The following CTTNBP2 variants were observed in gnomAD, a reference collection of about 807,000 sequenced individuals.
CTTNBP2 encodes cortactin binding protein 2, also known as cortactin-binding protein 2.
In CTTNBP2, 108 loss-of-function variants were observed where a neutral mutation model predicts 156.9. That is an observed-to-expected ratio of 0.69 (90% CI 0.59 to 0.81). The LOEUF is 0.81. Ranked by LOEUF, CTTNBP2 falls within the 30% of genes least tolerant of loss-of-function variation. CTTNBP2 has a pLI of 0.00. For synonymous variants in CTTNBP2, 767 were observed against 751.8 expected, an observed-to-expected ratio of 1.02 and a Z score of -0.33; for missense variants, 1,924 against 2,035.4, an observed-to-expected ratio of 0.95 and a Z score of 1.05.
At chr7:117,788,983 AT>A (rs10712279) in intron 4 of CTTNBP2, among the ~76,000 whole-genome samples, 29,669 of 151,818 alleles carry the variant, frequency 0.2, 4,319 homozygotes, top group African/African-American at 0.41. Flanking sequence ...AGTCGCTGGT[AT>A]TTTTTTTGGT....
chr7:117,842,900 T>C (rs1802360075), intron 2 of CTTNBP2, among the ~76,000 whole-genome samples: 1 of 152,170 alleles, frequency 6.6e-6, no homozygotes. Context: ...CAGAATAAAA[T>C]TCCTGCCCTC....
chr7:117,791,630 A>T lies in CTTNBP2; in HGVS notation c.1566T>A (p.Pro522=), dbSNP rs1799018626. 2 of 1,614,056 alleles carry T rather than the reference A, an allele frequency of 1.2e-6. No individual in the cohort carries two copies. Among genetic ancestry groups the T allele is most frequent in the African/African-American group, 2.7e-5 (2 of 74,992 alleles). The stretch of plus-strand genomic sequence containing the variant: ...TCTTTAAACTGGTCCGACCAACTGG[A>T]GGGTGGGTGCCAACATCCCCTGTTG... The part of the protein sequence containing the change: ...VPPTGDVGTH[P]PVGRTSLKTH... Residue 522 remains proline, a synonymous_variant, in exon 4 of 23, where the codon CCT becomes CCA. Transcript: ENST00000160373.
At chr7:117,856,454 T>C (rs1431524056) in intron 2 of CTTNBP2, among the ~76,000 whole-genome samples, 2 of 152,232 alleles carry the variant, frequency 1.3e-5, no homozygotes, top group African/African-American at 4.8e-5. Flanking sequence ...TGAACTTATT[T>C]AATCTATTTA....
In CTTNBP2 at chr7:117,802,371, A is replaced by T. The variant is rs556843984; in HGVS notation, c.414+8394T>A. The stretch of plus-strand genomic sequence containing the variant: ...CAAGATGGATCAAATATTTAAACAT[A>T]ACATCTCAAACTATAAAAATCCTAG... On this transcript the variant is annotated intron_variant, in intron 3 of 22. Transcript: ENST00000160373. Among the ~76,000 whole-genome samples, 3 of 151,502 alleles carry T rather than the reference A, an allele frequency of 2.0e-5. No individual in the cohort carries two copies. The East Asian group carries it at 5.8e-4, about 29-fold the overall frequency.
In CTTNBP2 at chr7:117,711,497, G is replaced by A; in HGVS notation, c.*40C>T. 6.4e-7 allele frequency: 1 copy of A among 1,574,656 alleles called. No homozygotes were observed. Among genetic ancestry groups the A allele is most frequent in the Non-Finnish European group, 8.6e-7 (1 of 1,162,942 alleles). On this transcript the variant is annotated 3_prime_UTR_variant, in exon 23 of 23. Transcript: ENST00000160373. ...ATCTTGTTGTCCTTGGTTTCTGTGT[G>A]AAATAGAGGAAGTTAATAATGAGAA...
At chr7:117,722,216 A>G (rs951432070) in intron 19 of CTTNBP2, among the ~76,000 whole-genome samples, 1 of 150,900 alleles carries the variant, frequency 6.6e-6, no homozygotes, top group African/African-American at 2.4e-5. Context: ...AAATTTGATA[A>G]GCTTCCATAG....
At chr7:117,774,996 C>A (rs565080188) in intron 8 of CTTNBP2, among the ~76,000 whole-genome samples, 1 of 152,086 alleles carries the variant, frequency 6.6e-6, no homozygotes, top group African/African-American at 2.4e-5. Context: ...AAATATTAGG[C>A]AAATGATACA....
chr7:117,757,891 G>T lies in CTTNBP2; in HGVS notation c.3252C>A (p.Ile1084=), dbSNP rs144275448. The T allele has an allele frequency of 6.2e-7, 1 of 1,610,356 alleles. No homozygotes were observed. The highest frequency in any genetic ancestry group is 1.3e-5 in the African/African-American group (1 of 74,944). The change falls in exon 11 of 23, where the codon ATC becomes ATA. Residue 1084 remains isoleucine, a synonymous_variant. Transcript: ENST00000160373. ...CATCCTTACCTGACAAAAGCACAGT[G>T]ATGTGCTCTGCCTTATTCTTCCTCA... ...DFMRKNKAEH[I]TVLLSGPQEG...
chr7:117,758,213 A>G, intron 10 of CTTNBP2: 1 of 480,890 alleles, frequency 2.1e-6, no homozygotes, highest in East Asian at 3.3e-5. Flanking sequence ...GGAGGGATTC[A>G]GGGAGAGATC....
chr7:117,739,881 AC>A (rs1444930913), intron 14 of CTTNBP2, among the ~76,000 whole-genome samples: 3 of 152,062 alleles, frequency 2.0e-5, no homozygotes, highest in Non-Finnish European at 2.9e-5. Context: ...TGTAACAGCA[AC>A]CCTATCCTCA....
intron 3 of CTTNBP2, among the ~76,000 whole-genome samples, chr7:117,799,216 T>A (rs1799480815): frequency 1.3e-5 from 2 of 151,896 alleles, no homozygotes; most frequent in African/African-American, 4.8e-5. Context: ...TTTTTTAATT[T>A]ACAGAGAAAA....
intron 4 of CTTNBP2, among the ~76,000 whole-genome samples, chr7:117,786,730 C>A (rs112618288): frequency 2.0e-5 from 3 of 152,120 alleles, no homozygotes; most frequent in African/African-American, 7.2e-5. Flanking sequence ...TTACATTTTT[C>A]TTTTTTCACC....
At chr7:117,767,256 C>G (rs913739683) in intron 8 of CTTNBP2, 80 bp from the exon 9 acceptor site, 12 of 785,402 alleles carry the variant, frequency 1.5e-5, no homozygotes, top group Admixed American at 1.4e-4. Context: ...AGCCAGTTGC[C>G]TATAACAATC....
At position 117,764,203 on chromosome 7, in the gene CTTNBP2, G is replaced by A. The variant is rs750084946; in HGVS notation, c.2896+2856C>T. 1.2e-4 allele frequency among the ~76,000 whole-genome samples: 18 copies of A among 152,124 alleles called. No individual in the cohort carries two copies. In the East Asian group the frequency reaches 2.1e-3, roughly 18 times the overall value. Reference sequence around the variant, plus strand: ...ACATCTTACTTCCTCACTTACAATCGTTCAATTGTTCATTCATGTCCACAG... The same window carrying A: ...ACATCTTACTTCCTCACTTACAATCATTCAATTGTTCATTCATGTCCACAG... On this transcript the variant is annotated intron_variant, in intron 9 of 22. Coordinates refer to ENST00000160373, the MANE Select transcript of CTTNBP2 (RefSeq NM_033427.3).
rs758051163 is a variant in CTTNBP2 at position 117,711,720 on chromosome 7, C to T, written c.4809G>A (p.Glu1603=). 110 of 1,614,024 alleles carry T rather than the reference C, an allele frequency of 6.8e-5. 1 individual carries two copies. The Middle Eastern group carries it at 1.3e-3, about 19-fold the overall frequency. The change falls in exon 23 of 23, where the codon GAG becomes GAA. Residue 1603 remains glutamate (E), a synonymous_variant. Transcript: ENST00000160373. ...AAGATTTAACTCTTGAAACACCCAA[C>T]TCAGTCTTTGATTTACTGTTGCTGC... ...TECSNSKSKT[E]LGVSRVKSFL...
At chr7:117,853,934 A>G (rs559353986) in intron 2 of CTTNBP2, among the ~76,000 whole-genome samples, 65 of 152,304 alleles carry the variant, frequency 4.3e-4, no homozygotes, top group African/African-American at 1.5e-3. Context: ...AATGTTTTGC[A>G]TGGTATTCTA....
intron 3 of CTTNBP2, among the ~76,000 whole-genome samples, chr7:117,797,170 G>A (rs1275198188): frequency 1.3e-5 from 2 of 152,108 alleles, no homozygotes; most frequent in African/African-American, 4.8e-5. Context: ...AGGTTGCCAC[G>A]GTTTACCAGC....
In CTTNBP2 at chr7:117,711,349, T is replaced by TA. The variant is rs879309776; in HGVS notation, c.*187dup. On this transcript the variant is annotated 3_prime_UTR_variant, in exon 23 of 23. Coordinates refer to ENST00000160373, the MANE Select transcript of CTTNBP2 (RefSeq NM_033427.3). Reference sequence around the variant, plus strand: ...GTATTGAAGTTCAATCCTACAGAATTAAAAAAAAAAGCAACAAAATGTTGG... The same window carrying TA: ...GTATTGAAGTTCAATCCTACAGAATTAAAAAAAAAAAGCAACAAAATGTTGG... The TA allele has an allele frequency of 4.2e-3, 2,256 of 538,860 alleles. No individual in the cohort carries two copies. The highest frequency in any genetic ancestry group is 4.7e-3 in the Non-Finnish European group (1,556 of 327,790). 33.4% of individuals were successfully genotyped at this position (538,860 alleles called of 1,614,324 possible).
chr7:117,790,833 T>C lies in CTTNBP2; in HGVS notation c.2068+295A>G, dbSNP rs553918880. 2.6e-4 allele frequency among the ~76,000 whole-genome samples: 39 copies of C among 152,294 alleles called. No individual in the cohort carries two copies. The South Asian group carries it at 7.5e-3, about 29-fold the overall frequency. On this transcript the variant is annotated intron_variant, in intron 4 of 22. Transcript: ENST00000160373. ...GGAATACTCTTTTCTCCCATGTAAA[T>C]ATTTTAGTCTCTCTAAATTAATGGT...
Sources: allele counts gnomAD v4.1 joint callset (sites outside exome capture counted in the v4.1 genomes callset), GRCh38; gene constraint gnomAD v4.1.1; transcripts MANE v1.5; gene names NCBI Gene and HGNC (gene_info 2026-07-23, HGNC 2026-07-21).